MIB1: variants seen among roughly 807,000 people sequenced by gnomAD.
MIB1 encodes the protein MIB E3 ubiquitin protein ligase 1.
A neutral mutation model predicts 124.5 loss-of-function variants in MIB1; 278 were observed. The observed-to-expected ratio is 2.23, with a 90% CI of 2.02 to 2.47. MIB1 has a LOEUF of 2.47. Among genes scored for constraint, MIB1 ranks in the 30% most tolerant of loss-of-function variants. The pLI, the probability that MIB1 is intolerant of heterozygous loss-of-function variation, is 0.00. For synonymous variants in MIB1, 446 were observed against 429.4 expected, an observed-to-expected ratio of 1.04 and a Z score of -0.48; for missense variants, 957 against 1,254.4, an observed-to-expected ratio of 0.76 and a Z score of 3.58.
chr18:21,846,676 G>C (rs1417377250), intron 15 of MIB1, among the ~76,000 whole-genome samples: 2 of 152,090 alleles, frequency 1.3e-5, no homozygotes, highest in Non-Finnish European at 2.9e-5. Context: ...TGTCCATCCC[G>C]GTTCTAGCCA....
intron 12 of MIB1, among the ~76,000 whole-genome samples, chr18:21,831,019 C>T (rs1389794396): frequency 1.3e-5 from 2 of 150,822 alleles, no homozygotes; most frequent in Admixed American, 6.6e-5. Context: ...GCTACAAAGG[C>T]CAAGAAAATG....
chr18:21,783,797 A>T (rs369055397), intron 6 of MIB1, among the ~76,000 whole-genome samples: 11 of 151,718 alleles, frequency 7.3e-5, no homozygotes, highest in African/African-American at 2.4e-4. Flanking sequence ...TTCAGGCTGT[A>T]GTGCAGTGAC....
chr18:21,776,605 A>G (rs1042094699), intron 4 of MIB1, among the ~76,000 whole-genome samples: 8 of 152,192 alleles, frequency 5.3e-5, no homozygotes, highest in African/African-American at 1.7e-4. Flanking sequence ...TACCTCCCCC[A>G]TTCAGATACT....
Position 21,799,933 on chromosome 18 carries a change from G to A in MIB1, c.1330G>A (p.Val444Ile), listed in dbSNP as rs1219352566. 1 of 1,612,262 alleles carries A rather than the reference G, an allele frequency of 6.2e-7. No homozygotes were observed. Among genetic ancestry groups the A allele is most frequent in the South Asian group, 1.1e-5 (1 of 90,940 alleles). Reference protein sequence around the residue: ...ELVKAAANGDVAKVEDLLKRP... With the variant: ...ELVKAAANGDIAKVEDLLKRP... ...AGTTAAGGCTGCTGCCAATGGAGATGTTGCTAAAGTGGAAGATTTGCTTAA... is the reference window on the plus strand; with the variant it reads ...AGTTAAGGCTGCTGCCAATGGAGATATTGCTAAAGTGGAAGATTTGCTTAA... Residue 444 changes from valine to isoleucine, a missense_variant, in exon 9 of 21, where the codon GTT (valine) becomes ATT (isoleucine). Val to Ile is a conservative substitution (Grantham distance 29). Transcript: ENST00000261537.
At position 21,773,188 on chromosome 18, in the gene MIB1, C is replaced by T. The variant is rs182662437; in HGVS notation, c.532-436C>T. Among the ~76,000 whole-genome samples, 778 of 152,150 alleles carry T rather than the reference C, an allele frequency of 5.1e-3. 6 individuals carry two copies. The highest frequency in any genetic ancestry group is 0.014 in the South Asian group (66 of 4,804). On this transcript the variant is annotated intron_variant, in intron 3 of 20. Transcript: ENST00000261537. ...GGCTGAGGCAGGAGAAGCTTGAACC[C>T]GGGAGGCGGAGGTTGCATTGAGCCA... is the stretch of plus-strand genomic sequence containing the variant.
At chr18:21,706,173 C>G (rs2040625192) in intron 1 of MIB1, among the ~76,000 whole-genome samples, 1 of 152,164 alleles carries the variant, frequency 6.6e-6, no homozygotes, top group Non-Finnish European at 1.5e-5. Flanking sequence ...CCTCCACCTC[C>G]CGGGTTCACG....
chr18:21,862,487 A>G (rs534396874), intron 20 of MIB1, among the ~76,000 whole-genome samples: 1 of 152,358 alleles, frequency 6.6e-6, no homozygotes, highest in African/African-American at 2.4e-5. Context: ...ATATGATTTT[A>G]TAAATGTAAA....
At chr18:21,779,421 C>A in intron 5 of MIB1, 60 bp from the exon 6 acceptor site, 1 of 1,297,976 alleles carries the variant, frequency 7.7e-7, no homozygotes, top group Admixed American at 1.7e-5. Context: ...AAAGATAATG[C>A]AGCTGCCTGT....
At chr18:21,838,291 C>A in intron 12 of MIB1, 74 bp from the exon 13 acceptor site, 2 of 1,048,256 alleles carry the variant, frequency 1.9e-6, no homozygotes, top group Non-Finnish European at 2.7e-6. Flanking sequence ...GGAGTATCTT[C>A]ATTTGATTGC....
At chr18:21,705,909 A>C (rs2040621573) in intron 1 of MIB1, among the ~76,000 whole-genome samples, 1 of 152,206 alleles carries the variant, frequency 6.6e-6, no homozygotes, top group Non-Finnish European at 1.5e-5. Context: ...CCCCGTGAGC[A>C]GAAGTAATTT....
chr18:21,770,159 G>C (rs1490035324), intron 3 of MIB1, among the ~76,000 whole-genome samples: 1 of 152,208 alleles, frequency 6.6e-6, no homozygotes, highest in Non-Finnish European at 1.5e-5. Flanking sequence ...AGCCAAGATT[G>C]TGCCACTGCA....
chr18:21,745,785 C>T (rs2040905206), intron 1 of MIB1, among the ~76,000 whole-genome samples: 1 of 152,092 alleles, frequency 6.6e-6, no homozygotes, highest in Non-Finnish European at 1.5e-5. Flanking sequence ...CGGCTCACTG[C>T]AACCTCCGTC....
intron 1 of MIB1, among the ~76,000 whole-genome samples, chr18:21,754,781 A>C (rs2041012532): frequency 6.6e-6 from 1 of 152,248 alleles, no homozygotes; most frequent in Admixed American, 6.5e-5. Context: ...TTAGGGCCAC[A>C]GTGCCTAAGT....
intron 4 of MIB1, among the ~76,000 whole-genome samples, chr18:21,777,544 CATTTT>C (rs1263595775): frequency 6.6e-6 from 1 of 151,806 alleles, no homozygotes; most frequent in Non-Finnish European, 1.5e-5. Flanking sequence ...AAGATTCAGA[CATTTT>C]ATTTTATTTA....
At chr18:21,797,059 A>C (rs1335805743) in intron 7 of MIB1, among the ~76,000 whole-genome samples, 1 of 152,174 alleles carries the variant, frequency 6.6e-6, no homozygotes, top group East Asian at 1.9e-4. Flanking sequence ...AAAAATTGAT[A>C]ATTTATGAGG....
chr18:21,851,094 T>G (rs2042175609), intron 17 of MIB1, among the ~76,000 whole-genome samples: 1 of 152,088 alleles, frequency 6.6e-6, no homozygotes, highest in African/African-American at 2.4e-5. Flanking sequence ...AAAAACTGAG[T>G]AGGAGTTCAG....
At chr18:21,747,433 C>T (rs1156302301) in intron 1 of MIB1, among the ~76,000 whole-genome samples, 1 of 152,164 alleles carries the variant, frequency 6.6e-6, no homozygotes, top group Non-Finnish European at 1.5e-5. Flanking sequence ...CTAATAAGCT[C>T]ATAGGTGATG....
chr18:21,817,804 G>T, intron 11 of MIB1: 1 of 291,416 alleles, frequency 3.4e-6, no homozygotes, highest in South Asian at 3.0e-5. Flanking sequence ...AGTGACTGGG[G>T]AGACAAACCA....
Position 21,717,063 on chromosome 18 carries a change from C to T in MIB1, n.167+11940C>T, listed in dbSNP as rs1442993328. Among the ~76,000 whole-genome samples, 3 of 152,118 alleles carry T rather than the reference C, an allele frequency of 2.0e-5. No individual in the cohort carries two copies. In the East Asian group the frequency reaches 5.8e-4, roughly 29 times the overall value. Reference sequence around the variant, plus strand: ...GTACTGGCATAAAAATAAGAATATACACCAATGGAATAGAATAGAGAACCC... The same window carrying T: ...GTACTGGCATAAAAATAAGAATATATACCAATGGAATAGAATAGAGAACCC... On this transcript the variant is annotated intron_variant and non_coding_transcript_variant, in intron 1 of 20. Coordinates refer to the MIB1 transcript ENST00000578646.
Sources: allele counts gnomAD v4.1 joint callset (sites outside exome capture counted in the v4.1 genomes callset), GRCh38; gene constraint gnomAD v4.1.1; transcripts MANE v1.5; gene names NCBI Gene and HGNC (gene_info 2026-07-23, HGNC 2026-07-21).